Variants in AGBL4 observed in about 807,000 individuals in gnomAD.
AGBL4 encodes cytosolic carboxypeptidase 6.
In AGBL4, 58 loss-of-function variants were observed where a neutral mutation model predicts 66.4. The observed-to-expected ratio is 0.87, with a 90% CI of 0.71 to 1.09. The LOEUF is 1.09. AGBL4 is among the 50% of genes least tolerant of loss of function. AGBL4 has a pLI of 0.00. For synonymous variants in AGBL4, 234 were observed against 222.9 expected, an observed-to-expected ratio of 1.05 and a Z score of -0.44; for missense variants, 579 against 631.0, an observed-to-expected ratio of 0.92 and a Z score of 0.88.
intron 4 of AGBL4, among the ~76,000 whole-genome samples, chr1:49,085,262 TTCATCATCATCA>T (rs55673573): frequency 4.8e-4 from 70 of 145,434 alleles, no homozygotes; most frequent in East Asian, 1.0e-3. Context: ...GACTGGGACT[TTCATCATCATCA>T]TCATCATCAT....
intron 9 of AGBL4, among the ~76,000 whole-genome samples, chr1:48,624,626 G>GCTAC (rs1645469272): frequency 6.6e-6 from 1 of 152,162 alleles, no homozygotes; most frequent in Non-Finnish European, 1.5e-5. Flanking sequence ...TTCTCACTGA[G>GCTAC]CTACCAATAA....
intron 2 of AGBL4, among the ~76,000 whole-genome samples, chr1:49,781,576 T>C (rs1644338589): frequency 6.6e-6 from 1 of 151,998 alleles, no homozygotes; most frequent in Non-Finnish European, 1.5e-5. Context: ...CCATTTTCAA[T>C]GAGGGGTAGG....
chr1:49,638,991 A>G (rs1172450098), intron 3 of AGBL4, among the ~76,000 whole-genome samples: 1 of 152,146 alleles, frequency 6.6e-6, no homozygotes, highest in Non-Finnish European at 1.5e-5. Flanking sequence ...GACTCTTGTT[A>G]AGGTTTGTGA....
intron 3 of AGBL4, among the ~76,000 whole-genome samples, chr1:49,250,584 C>A (rs759700615): frequency 2.6e-5 from 4 of 151,824 alleles, no homozygotes; most frequent in Non-Finnish European, 5.9e-5. Context: ...GCTGGGACTA[C>A]AGGTGTGTGC....
At chr1:49,411,358 A>G (rs1167606797) in intron 3 of AGBL4, among the ~76,000 whole-genome samples, 1 of 152,182 alleles carries the variant, frequency 6.6e-6, no homozygotes, top group East Asian at 1.9e-4. Flanking sequence ...CTGACAGCTG[A>G]TTGGATGGTG....
intron 1 of AGBL4, among the ~76,000 whole-genome samples, chr1:49,937,754 G>A (rs942941526): frequency 4.6e-5 from 7 of 152,080 alleles, no homozygotes; most frequent in Non-Finnish European, 8.8e-5. Flanking sequence ...GGTACATAAT[G>A]AAATGAAGGC....
intron 2 of AGBL4, among the ~76,000 whole-genome samples, chr1:49,722,365 T>G (rs531092030): frequency 2.2e-4 from 33 of 152,276 alleles, no homozygotes; most frequent in African/African-American, 7.7e-4. Context: ...CCTTCAGGCT[T>G]CTTTAGCATT....
chr1:49,168,778 G>C (rs945908650), intron 4 of AGBL4, among the ~76,000 whole-genome samples: 2 of 152,156 alleles, frequency 1.3e-5, no homozygotes, highest in Non-Finnish European at 2.9e-5. Context: ...TGGATCCATG[G>C]GGCTTCAGGC....
chr1:48,645,096 G>A (rs1455810226), intron 8 of AGBL4, among the ~76,000 whole-genome samples: 4 of 152,204 alleles, frequency 2.6e-5, no homozygotes, highest in African/African-American at 9.6e-5. Flanking sequence ...GGCCTTTTCT[G>A]TGGAACCTGG....
At chr1:50,006,086 T>A (rs991876232) in intron 1 of AGBL4, among the ~76,000 whole-genome samples, 2 of 152,194 alleles carry the variant, frequency 1.3e-5, no homozygotes, top group Admixed American at 1.3e-4. Context: ...ACGCCTGTAA[T>A]CTCAGCACTT....
intron 3 of AGBL4, among the ~76,000 whole-genome samples, chr1:49,469,628 CATAA>C (rs1252226357): frequency 3.3e-5 from 5 of 151,842 alleles, no homozygotes; most frequent in African/African-American, 1.2e-4. Flanking sequence ...CCCTAAGTCC[CATAA>C]ATAGTTGATG....
intron 1 of AGBL4, among the ~76,000 whole-genome samples, chr1:49,978,826 T>TC (rs967682519): frequency 1.4e-4 from 21 of 152,326 alleles, no homozygotes; most frequent in African/African-American, 5.1e-4. Context: ...GTGATTTTAT[T>TC]TTATTCATAT....
chr1:49,022,598 T>A (rs1004016881), intron 5 of AGBL4, among the ~76,000 whole-genome samples: 1 of 152,118 alleles, frequency 6.6e-6, no homozygotes, highest in Non-Finnish European at 1.5e-5. Flanking sequence ...TATCTAGCAG[T>A]AATGAGTTGG....
intron 5 of AGBL4, among the ~76,000 whole-genome samples, chr1:48,922,907 A>C (rs1182965437): frequency 6.6e-6 from 1 of 151,434 alleles, no homozygotes; most frequent in Non-Finnish European, 1.5e-5. Flanking sequence ...TATAACTATA[A>C]AATATGTTCT....
intron 12 of AGBL4, among the ~76,000 whole-genome samples, chr1:48,536,179 AC>A (rs1329014777): frequency 3.9e-5 from 6 of 152,104 alleles, no homozygotes; most frequent in Non-Finnish European, 8.8e-5. Context: ...TTATGAGCTC[AC>A]CATCTACAAG....
intron 4 of AGBL4, among the ~76,000 whole-genome samples, chr1:49,200,137 C>T (rs188739569): frequency 1.2e-4 from 19 of 152,254 alleles, no homozygotes; most frequent in African/African-American, 3.8e-4. Flanking sequence ...CCTGCATCTG[C>T]TCAGATTTCT....
At chr1:49,334,116 G>T (rs1197287651) in intron 3 of AGBL4, among the ~76,000 whole-genome samples, 1 of 152,172 alleles carries the variant, frequency 6.6e-6, no homozygotes, top group South Asian at 2.1e-4. Flanking sequence ...AGCTGTTAAA[G>T]TACGTTCATA....
chr1:49,685,803 G>C (rs191467012), intron 3 of AGBL4, among the ~76,000 whole-genome samples: 1 of 152,096 alleles, frequency 6.6e-6, no homozygotes, highest in African/African-American at 2.4e-5. Context: ...TTAGACCATC[G>C]TCAAGTGCAT....
At chr1:49,991,316 T>A (rs1659924543) in intron 1 of AGBL4, among the ~76,000 whole-genome samples, 1 of 152,106 alleles carries the variant, frequency 6.6e-6, no homozygotes, top group South Asian at 2.1e-4. Flanking sequence ...TTAGTATATA[T>A]TAAAAAACAC....
Sources: allele counts gnomAD v4.1 joint callset (sites outside exome capture counted in the v4.1 genomes callset), GRCh38; gene constraint gnomAD v4.1.1; transcripts MANE v1.5; gene names NCBI Gene and HGNC (gene_info 2026-07-23, HGNC 2026-07-21).